RADIL: variants seen among roughly 807,000 people sequenced by gnomAD.
RADIL encodes the protein Rap associating with DIL domain.
Under a neutral mutation model 97.6 loss-of-function variants are expected in RADIL, and 99 were observed. The observed-to-expected ratio is 1.01, with a 90% CI of 0.86 to 1.20. RADIL has a LOEUF of 1.20. Ranked by LOEUF, RADIL falls within the 50% of genes most tolerant of loss-of-function variation. The probability of loss-of-function intolerance (pLI) is 0.00; values close to 1 mark genes in which losing one functional copy is unlikely to be tolerated. For synonymous variants in RADIL, 803 were observed against 691.8 expected (o/e 1.16, Z -2.52); for missense variants, 1,765 against 1,498.9 (o/e 1.18, Z -2.93).
chr7:4,809,694 T>C (rs1782482809), intron 9 of RADIL: 6 of 927,766 alleles, frequency 6.5e-6, no homozygotes, highest in Non-Finnish European at 7.7e-6. Context: ...TTTAATTGAT[T>C]TATTTAGAGA....
intron 2 of RADIL, chr7:4,860,568 C>G (rs1191940722): frequency 3.1e-6 from 5 of 1,614,008 alleles, no homozygotes; most frequent in Non-Finnish European, 4.2e-6. Flanking sequence ...TTCACATGTG[C>G]CAGTGTAATA....
intron 5 of RADIL, among the ~76,000 whole-genome samples, chr7:4,830,347 G>C (rs751352763): frequency 1.3e-5 from 2 of 152,142 alleles, no homozygotes; most frequent in Admixed American, 6.5e-5. Flanking sequence ...TGGGAGCGTA[G>C]GCCGCAGGGG....
intron 2 of RADIL, chr7:4,860,305 C>T: frequency 6.2e-7 from 1 of 1,613,998 alleles, no homozygotes; most frequent in African/African-American, 1.3e-5. Flanking sequence ...TGTCCTGAAG[C>T]ACATGATGAG....
chr7:4,799,688 GC>G lies in RADIL; in HGVS notation c.3063del (p.Leu1022TrpfsTer8). On this transcript the variant is annotated frameshift_variant, in exon 14 of 15. Transcript: ENST00000399583. LOFTEE classifies it high-confidence loss of function. Reference protein sequence around the residue: ...GSPAAADGRLSLGDRILEVNG... With the variant: ...GSPAAADGRLXLGDRILEVNG... The stretch of plus-strand genomic sequence containing the variant: ...TTCACCTCCAGGATACGGTCCCCCA[GC>G]GACAGGCGCCCGTCGGCCGCTGCGG... The G allele has an allele frequency of 6.3e-7, 1 of 1,585,342 alleles. No individual in the cohort carries two copies. Among genetic ancestry groups the G allele is most frequent in the Non-Finnish European group, 8.6e-7 (1 of 1,167,298 alleles).
intron 9 of RADIL, among the ~76,000 whole-genome samples, chr7:4,812,339 T>C (rs1782569707): frequency 6.6e-6 from 1 of 152,216 alleles, no homozygotes; most frequent in Non-Finnish European, 1.5e-5. Flanking sequence ...TAATTTTTAA[T>C]TTTTACTGTG....
chr7:4,812,319 C>T (rs2115182299), intron 9 of RADIL, among the ~76,000 whole-genome samples: 1 of 152,280 alleles, frequency 6.6e-6, no homozygotes, highest in South Asian at 2.1e-4. Context: ...TTATGATCTC[C>T]TCTTACTACT....
chr7:4,859,727 G>A, intron 2 of RADIL: 1 of 597,940 alleles, frequency 1.7e-6, no homozygotes, highest in Admixed American at 3.0e-5. Context: ...AGGGAGAACA[G>A]GGATACCGGA....
At position 4,827,968 on chromosome 7, in the gene RADIL, T is replaced by C. The variant is rs148692156; in HGVS notation, c.1454+4173A>G. Among the ~76,000 whole-genome samples, 93 of 151,586 alleles carry C rather than the reference T, an allele frequency of 6.1e-4. 1 individual carries two copies. The East Asian group carries it at 0.017, about 28-fold the overall frequency. On this transcript the variant is annotated intron_variant, in intron 5 of 14. Coordinates refer to ENST00000399583, the MANE Select transcript of RADIL (RefSeq NM_018059.5). ...ATAAATTCAGATGGGAAAATCCTAA[T>C]TAAAAGATCAACAGTCAACATCACT...
Position 4,815,233 on chromosome 7 carries a change from GC to G in RADIL, c.2139+44del. ...GTGAGCCAGGGACCCACAGCATGTG[GC>G]CCCGCCCCTCCCCACACTCGCCGCC... On this transcript the variant is annotated intron_variant, in intron 9 of 14. Coordinates refer to ENST00000399583, the MANE Select transcript of RADIL (RefSeq NM_018059.5). This position sits in a 1 kb window ranked among gnomAD's most constrained non-coding sequence, Gnocchi z 8.0. 6.8e-7 allele frequency: 1 copy of G among 1,477,570 alleles called. No individual in the cohort carries two copies. Among genetic ancestry groups the G allele is most frequent in the Non-Finnish European group, 9.0e-7 (1 of 1,109,084 alleles). The allele number at this position is 1,477,570 out of a possible 1,614,324, so 91.5% of individuals were successfully genotyped here.
intron 2 of RADIL, among the ~76,000 whole-genome samples, chr7:4,852,628 T>G (rs1783736713): frequency 6.6e-6 from 1 of 152,140 alleles, no homozygotes; most frequent in Non-Finnish European, 1.5e-5. Context: ...TTTTATTTTT[T>G]GTAGAGATGG....
At chr7:4,874,030 C>T (rs576351205) in intron 2 of RADIL, among the ~76,000 whole-genome samples, 3 of 152,344 alleles carry the variant, frequency 2.0e-5, no homozygotes, top group Non-Finnish European at 2.9e-5. Flanking sequence ...CTCAGGGGGA[C>T]GTGGGACACA....
chr7:4,865,793 C>T, intron 2 of RADIL: 1 of 885,564 alleles, frequency 1.1e-6, no homozygotes, highest in Non-Finnish European at 1.9e-6. Context: ...AGGTTTTTCA[C>T]AGGAGCCATG....
At chr7:4,804,886 G>A (rs567301607) in intron 10 of RADIL, among the ~76,000 whole-genome samples, 3 of 152,018 alleles carry the variant, frequency 2.0e-5, no homozygotes, top group Admixed American at 6.6e-5. Context: ...ACCTAGGTCA[G>A]GAGTTCGAGA....
rs1473560424 is a variant in RADIL at position 4,834,727 on chromosome 7, G to A, written c.1296C>T (p.His432=). Residue 432 remains histidine, a synonymous_variant, in exon 4 of 15, where the codon CAC becomes CAT. Coordinates refer to ENST00000399583, the MANE Select transcript of RADIL (RefSeq NM_018059.5). The surrounding 1 kb of genome is among the most constrained non-coding windows in gnomAD (Gnocchi z 6.0). ...MTLIEPGGDD[H]KLTPAFLLCL... ...ACAGGAGGAAGGCGGGGGTCAGCTTGTGGTCGTCGCCCCCCGGCTCGATCA... is the reference window on the plus strand; with the variant it reads ...ACAGGAGGAAGGCGGGGGTCAGCTTATGGTCGTCGCCCCCCGGCTCGATCA... The A allele has an allele frequency of 1.1e-5, 16 of 1,411,404 alleles. No individual in the cohort carries two copies. The highest frequency in any genetic ancestry group is 1.3e-5 in the Non-Finnish European group (14 of 1,075,776). The allele number at this position is 1,411,404 out of a possible 1,614,324, so 87.4% of individuals were successfully genotyped here.
chr7:4,881,642 G>A (rs1056485425), intron 1 of RADIL, among the ~76,000 whole-genome samples: 11 of 150,314 alleles, frequency 7.3e-5, no homozygotes, highest in Admixed American at 5.3e-4. Flanking sequence ...CAGGAGAATC[G>A]CTTGAACCCC....
chr7:4,815,152 C>T lies in RADIL; in HGVS notation c.2139+126G>A, dbSNP rs568224069. 5.2e-5 allele frequency: 62 copies of T among 1,195,226 alleles called. No homozygotes were observed. Among genetic ancestry groups the T allele is most frequent in the Middle Eastern group, 2.9e-4 (1 of 3,432 alleles). 74.0% of individuals were successfully genotyped at this position (1,195,226 alleles called of 1,614,324 possible). On this transcript the variant is annotated intron_variant, in intron 9 of 14. Coordinates refer to ENST00000399583, the MANE Select transcript of RADIL (RefSeq NM_018059.5). This position sits in a 1 kb window ranked among gnomAD's most constrained non-coding sequence, Gnocchi z 8.0. Reference sequence around the variant, plus strand: ...TGGAAGCAACTTTTCTGATTACCTACGGTAGCTTTGAGGTTTCCAGCCAAG... The same window carrying T: ...TGGAAGCAACTTTTCTGATTACCTATGGTAGCTTTGAGGTTTCCAGCCAAG...
At chr7:4,848,756 AC>A (rs1245831600) in intron 2 of RADIL, among the ~76,000 whole-genome samples, 1 of 152,126 alleles carries the variant, frequency 6.6e-6, no homozygotes, top group Non-Finnish European at 1.5e-5. Flanking sequence ...TGGTGAAAAG[AC>A]CTAAGTTCTC....
chr7:4,850,286 G>A (rs1410490750), intron 2 of RADIL, among the ~76,000 whole-genome samples: 1 of 143,898 alleles, frequency 6.9e-6, no homozygotes, highest in Non-Finnish European at 1.5e-5. Flanking sequence ...TGTGTAAGAA[G>A]TCCCCTGCAG....
Position 4,849,099 on chromosome 7 carries a change from T to C in RADIL, c.536-12494A>G, listed in dbSNP as rs200721487. ...GTTGTGGTGAGCCGAGATCGTGCCATTGCACTCCAGCCTGGGCAACAAGAG... is the reference window on the plus strand; with the variant it reads ...GTTGTGGTGAGCCGAGATCGTGCCACTGCACTCCAGCCTGGGCAACAAGAG... On this transcript the variant is annotated intron_variant, in intron 2 of 14. Coordinates refer to ENST00000399583, the MANE Select transcript of RADIL (RefSeq NM_018059.5). The surrounding 1 kb of genome is among the most constrained non-coding windows in gnomAD (Gnocchi z 5.4). 6.7e-5 allele frequency among the ~76,000 whole-genome samples: 10 copies of C among 150,212 alleles called. No individual in the cohort carries two copies. Among genetic ancestry groups the C allele is most frequent in the Non-Finnish European group, 1.2e-4 (8 of 67,826 alleles).
Sources: allele counts gnomAD v4.1 joint callset (sites outside exome capture counted in the v4.1 genomes callset), GRCh38; gene constraint gnomAD v4.1.1; non-coding constraint Gnocchi (gnomAD v3.1); transcripts MANE v1.5; gene names NCBI Gene and HGNC (gene_info 2026-07-23, HGNC 2026-07-21).